Variants in HNF1B observed in about 807,000 individuals in gnomAD.
HNF1B encodes HNF1 homeobox B.
In HNF1B, 8 loss-of-function variants were observed where a neutral mutation model predicts 61.7. The ratio of observed to expected loss-of-function variants is 0.13; its 90% CI spans 0.08 to 0.23. HNF1B has a LOEUF of 0.23. Among genes scored for constraint, HNF1B ranks in the 10% least tolerant of loss-of-function variants. HNF1B has a pLI of 1.00. For synonymous variants in HNF1B, 314 were observed against 287.7 expected, an observed-to-expected ratio of 1.09 and a Z score of -0.93; for missense variants, 562 against 714.5, an observed-to-expected ratio of 0.79 and a Z score of 2.43.
In HNF1B at chr17:37,701,024, T is replaced by A; in HGVS notation, c.1493A>T (p.Gln498Leu). ...CTGAGTCACAGCTGCCATGAAGGGC[T>A]GCTGGGCCATGTGGCTGCCTGGGCT... The part of the protein sequence containing the change: ...QQSPGSHMAQ[Q>L]PFMAAVTQLQ... Residue 498 changes from glutamine to leucine, a missense_variant, in exon 7 of 9, where the codon CAG becomes CTG. Transcript: ENST00000617811. 6.4e-7 allele frequency: 1 copy of A among 1,557,598 alleles called. No homozygotes were observed. Among genetic ancestry groups the A allele is most frequent in the Non-Finnish European group, 8.7e-7 (1 of 1,150,134 alleles).
intron 5 of HNF1B, 22 bp from the exon 6 acceptor site, chr17:37,705,071 G>C: frequency 6.2e-7 from 1 of 1,609,658 alleles, no homozygotes; most frequent in Non-Finnish European, 8.5e-7. Context: ...AAAAAAACAA[G>C]AGAAACATGG....
Position 37,745,059 on chromosome 17 carries a change from T to A in HNF1B, c.-175A>T. 1.6e-6 allele frequency: 1 copy of A among 617,022 alleles called. No homozygotes were observed. The highest frequency in any genetic ancestry group is 2.9e-6 in the Non-Finnish European group (1 of 348,134). 38.2% of individuals were successfully genotyped at this position (617,022 alleles called of 1,614,324 possible). ...CCTCCGAAAGGAGTCAGAAAACTTC[T>A]AACTTGCCATGATCGCCACCATTAG... On this transcript the variant is annotated 5_prime_UTR_variant, in exon 1 of 9. Transcript: ENST00000617811.
intron 8 of HNF1B, among the ~76,000 whole-genome samples, chr17:37,696,873 G>A (rs1334122695): frequency 6.6e-6 from 1 of 152,174 alleles, no homozygotes; most frequent in Admixed American, 6.5e-5. Context: ...CTGCTGTCAG[G>A]AGGCAGCACC....
chr17:37,732,157 T>C (rs1008116538), intron 3 of HNF1B, among the ~76,000 whole-genome samples: 5 of 152,162 alleles, frequency 3.3e-5, no homozygotes, highest in African/African-American at 9.7e-5. Flanking sequence ...TGGGGCTTCC[T>C]TATTTAGCCA....
Position 37,744,864 on chromosome 17 carries a change from C to A in HNF1B, c.21G>T (p.Ser7=), listed in dbSNP as rs375331893. 1 of 1,582,282 alleles carries A rather than the reference C, an allele frequency of 6.3e-7. No individual in the cohort carries two copies. The highest frequency in any genetic ancestry group is 8.6e-7 in the Non-Finnish European group (1 of 1,165,062). The change falls in exon 1 of 9, where the codon TCG becomes TCT. Residue 7 remains serine (S), a synonymous_variant. Coordinates refer to ENST00000617811, the MANE Select transcript of HNF1B (RefSeq NM_000458.4). The stretch of plus-strand genomic sequence containing the variant: ...GGGCGCTCAGGAGTTCTTGCTGGAG[C>A]GACGTGAGCTTGGACACCATTTTCC... MVSKLT[S]LQQELLSALL...
intron 4 of HNF1B, chr17:37,720,606 G>C (rs1473734162): frequency 5.7e-6 from 1 of 176,404 alleles, no homozygotes; most frequent in East Asian, 1.9e-4. Context: ...TTATAAAACA[G>C]GGGGTTTCTG....
At chr17:37,726,925 T>C (rs2033518036) in intron 4 of HNF1B, among the ~76,000 whole-genome samples, 1 of 152,114 alleles carries the variant, frequency 6.6e-6, no homozygotes, top group Admixed American at 6.5e-5. Context: ...GAGGACATCA[T>C]GCGTGGGAGA....
intron 4 of HNF1B, among the ~76,000 whole-genome samples, chr17:37,721,869 C>T (rs147388454): frequency 6.6e-6 from 1 of 152,168 alleles, no homozygotes; most frequent in Non-Finnish European, 1.5e-5. Context: ...TGTCTACAAC[C>T]CAACTGCCAT....
At chr17:37,692,330 T>C (rs189271297) in intron 8 of HNF1B, among the ~76,000 whole-genome samples, 1 of 152,364 alleles carries the variant, frequency 6.6e-6, no homozygotes, top group African/African-American at 2.4e-5. Flanking sequence ...GTTGTTATTA[T>C]GGGTGCTTAA....
chr17:37,744,631 T>G lies in HNF1B; in HGVS notation c.254A>C (p.Asp85Ala). ...CTTGAGGATGGGAGGTGTGTCATAG[T>G]CGTCGCCGTCCTCGGAGCCCTCGTC... ...SGDEGSEDGD[D>A]YDTPPILKEL... Residue 85 changes from aspartate (D) to alanine (A), a missense_variant, in exon 1 of 9, where the codon GAC (aspartate) becomes GCC (alanine). Physicochemically the swap from Asp to Ala is moderately radical, Grantham distance 126. Coordinates refer to ENST00000617811, the MANE Select transcript of HNF1B (RefSeq NM_000458.4). 6.2e-7 allele frequency: 1 copy of G among 1,611,768 alleles called. No individual in the cohort carries two copies. The highest frequency in any genetic ancestry group is 8.5e-7 in the Non-Finnish European group (1 of 1,180,004).
rs138770737 is a variant in HNF1B at position 37,743,176 on chromosome 17, C to T, written c.344+1365G>A. 7.5e-3 allele frequency among the ~76,000 whole-genome samples: 1,137 copies of T among 152,302 alleles called. 20 individuals are homozygous for T. The highest frequency in any genetic ancestry group is 0.026 in the African/African-American group (1,091 of 41,582). Reference sequence around the variant, plus strand: ...GCGGCCGAGTGGGAGGGCCTAGGCCCTGTGGCCCCCGGTGGCCGGCGGTGG... The same window carrying T: ...GCGGCCGAGTGGGAGGGCCTAGGCCTTGTGGCCCCCGGTGGCCGGCGGTGG... On this transcript the variant is annotated intron_variant, in intron 1 of 8. Coordinates refer to ENST00000617811, the MANE Select transcript of HNF1B (RefSeq NM_000458.4).
At chr17:37,715,925 A>G (rs1442299296) in intron 4 of HNF1B, among the ~76,000 whole-genome samples, 3 of 152,136 alleles carry the variant, frequency 2.0e-5, no homozygotes, top group South Asian at 2.1e-4. Flanking sequence ...TGAGGTCAGG[A>G]GTTCGAGACT....
intron 3 of HNF1B, among the ~76,000 whole-genome samples, chr17:37,732,488 C>T (rs1598841769): frequency 1.3e-5 from 2 of 152,320 alleles, no homozygotes; most frequent in African/African-American, 2.4e-5. Flanking sequence ...CAATACAGGC[C>T]TCCCTGCTTC....
intron 7 of HNF1B, 63 bp downstream of exon 7, chr17:37,700,920 G>T: frequency 6.9e-7 from 1 of 1,449,918 alleles, no homozygotes. Context: ...GACCCAGAGA[G>T]GGAAAGTGGT....
At chr17:37,690,139 G>A (rs1356053133) in intron 8 of HNF1B, among the ~76,000 whole-genome samples, 3 of 152,136 alleles carry the variant, frequency 2.0e-5, no homozygotes, top group African/African-American at 4.8e-5. Context: ...GGAATCAGGC[G>A]AGGCCTCTTT....
rs1286900316 is a variant in HNF1B, at chr17:37,719,127, ATTATTG to A, written c.1046-8470_1046-8465del. On this transcript the variant is annotated intron_variant, in intron 4 of 8. Transcript: ENST00000617811. ...CTAATTTATTAATATTATTATTATTATTATTGTTATTATTATTTTGAAGAGATGGGG... is the reference window on the plus strand; with the variant it reads ...CTAATTTATTAATATTATTATTATTATTATTATTATTTTGAAGAGATGGGG... Among the ~76,000 whole-genome samples the A allele has an allele frequency of 2.0e-5, 3 of 151,382 alleles. No homozygotes were observed. The Middle Eastern group carries it at 0.01, about 518-fold the overall frequency.
At chr17:37,699,439 C>G (rs1007803295) in intron 7 of HNF1B, among the ~76,000 whole-genome samples, 15 of 152,212 alleles carry the variant, frequency 9.9e-5, no homozygotes, top group Admixed American at 1.3e-4. Context: ...GAACACAGGG[C>G]CTACCAGGGA....
chr17:37,701,152 A>G lies in HNF1B; in HGVS notation c.1365T>C (p.Ser455=). The part of the protein sequence containing the change: ...AQSLNTSQAQ[S]VPVINSVAGS... ...CGGCCACACTGTTGATGACAGGGAC[A>G]CTCTGTGCTTGGGAGGTGTTGAGGC... The change falls in exon 7 of 9, where the codon AGT becomes AGC. Residue 455 remains serine, a synonymous_variant. Coordinates refer to ENST00000617811, the MANE Select transcript of HNF1B (RefSeq NM_000458.4). The G allele has an allele frequency of 1.3e-6, 2 of 1,551,360 alleles. No homozygotes were observed. The highest frequency in any genetic ancestry group is 1.7e-6 in the Non-Finnish European group (2 of 1,147,282).
chr17:37,744,592 A>G lies in HNF1B; in HGVS notation c.293T>C (p.Leu98Pro). 3 of 1,608,040 alleles carry G rather than the reference A, an allele frequency of 1.9e-6. No individual in the cohort carries two copies. Among genetic ancestry groups the G allele is most frequent in the Non-Finnish European group, 1.7e-6 (2 of 1,179,942 alleles). ...TPPILKELQA[L>P]NTEEAAEQRA... ...CTGCTCCGCCGCCTCCTCGGTGTTG[A>G]GCGCCTGCAGCTCCTTGAGGATGGG... Residue 98 changes from leucine to proline, a missense_variant, in exon 1 of 9, where the codon CTC becomes CCC. Physicochemically the swap from Leu to Pro is moderately conservative, Grantham distance 98. Coordinates refer to ENST00000617811, the MANE Select transcript of HNF1B (RefSeq NM_000458.4).
Sources: gnomAD v4.1 joint callset for allele counts (sites outside exome capture counted in the v4.1 genomes callset) on GRCh38, gnomAD v4.1.1 for gene constraint, MANE v1.5 for transcripts, NCBI Gene and HGNC (gene_info 2026-07-23, HGNC 2026-07-21) for gene names.